The following C12orf56 variants were observed in gnomAD, a reference collection of about 807,000 sequenced individuals.
The protein encoded by C12orf56 is uncharacterized protein C12orf56.
Under a neutral mutation model 69.9 loss-of-function variants are expected in C12orf56, and 71 were observed. That is an observed-to-expected ratio of 1.02 (90% confidence interval 0.84 to 1.24). C12orf56 has a LOEUF of 1.24. Ranked by LOEUF, C12orf56 falls within the 50% of genes most tolerant of loss-of-function variation. The probability of loss-of-function intolerance (pLI) is 0.00; values close to 1 mark genes in which losing one functional copy is unlikely to be tolerated. For synonymous variants in C12orf56, 276 were observed against 274.1 expected (o/e 1.01, Z -0.07); for missense variants, 732 against 738.5 (o/e 0.99, Z 0.10).
chr12:64,386,375 G>A (rs2039789198), intron 1 of C12orf56, among the ~76,000 whole-genome samples: 1 of 128,128 alleles, frequency 7.8e-6, no homozygotes, highest in Non-Finnish European at 1.6e-5. Context: ...TACCACTGCT[G>A]GCTAATTTTT....
In C12orf56 at chr12:64,347,683, A is replaced by G. The variant is rs146290738; in HGVS notation, c.415+5211T>C. 3.2e-4 allele frequency among the ~76,000 whole-genome samples: 48 copies of G among 152,292 alleles called. No individual in the cohort carries two copies. The East Asian group carries it at 7.0e-3, about 22-fold the overall frequency. On this transcript the variant is annotated intron_variant, in intron 2 of 12. Transcript: ENST00000543942. ...TGTGTTGAGTGTGTGATGTCTATAAAAAGAGATCTAATTAATTGACCTAAG... is the reference window on the plus strand; with the variant it reads ...TGTGTTGAGTGTGTGATGTCTATAAGAAGAGATCTAATTAATTGACCTAAG...
At chr12:64,374,577 G>A (rs1027241899) in intron 1 of C12orf56, among the ~76,000 whole-genome samples, 1 of 146,304 alleles carries the variant, frequency 6.8e-6, no homozygotes, top group African/African-American at 2.6e-5. Flanking sequence ...ATGGAGTCTC[G>A]CTGTCACCTA....
chr12:64,277,614 T>A, intron 9 of C12orf56, 66 bp downstream of exon 9: 1 of 1,063,898 alleles, frequency 9.4e-7, no homozygotes, highest in East Asian at 3.9e-5. Flanking sequence ...TGGTCCACAT[T>A]AAAAGAAGCC....
Position 64,379,051 on chromosome 12 carries a change from C to CAAA in C12orf56, c.252+11260_252+11262dup, listed in dbSNP as rs59633826. On this transcript the variant is annotated intron_variant, in intron 1 of 12. Coordinates refer to ENST00000543942, the MANE Select transcript of C12orf56 (RefSeq NM_001170633.2). ...GGGTGACAGGAATGAAACCCTGTCTCAAAAAAAAAAAAAAAAGTGAACAGA... is the reference window on the plus strand; with the variant it reads ...GGGTGACAGGAATGAAACCCTGTCTCAAAAAAAAAAAAAAAAAAAGTGAACAGA... Among the ~76,000 whole-genome samples the CAAA allele has an allele frequency of 9.0e-5, 11 of 121,574 alleles. No homozygotes were observed. The South Asian group carries it at 2.1e-3, about 23-fold the overall frequency. The allele number at this position is 121,574 out of a possible 152,430, so 79.8% of individuals were successfully genotyped here. A position where few individuals can be genotyped will look rare whatever the true frequency, so the allele number is the denominator to read the frequency against.
At chr12:64,377,368 T>C (rs971932917) in intron 1 of C12orf56, among the ~76,000 whole-genome samples, 2 of 152,052 alleles carry the variant, frequency 1.3e-5, no homozygotes, top group Non-Finnish European at 2.9e-5. Context: ...TTTTTATTTT[T>C]AGTAGAGGCG....
At chr12:64,306,461 A>G (rs2136810955) in intron 5 of C12orf56, among the ~76,000 whole-genome samples, 1 of 148,704 alleles carries the variant, frequency 6.7e-6, no homozygotes, top group Admixed American at 6.8e-5. Flanking sequence ...TCTGTCACCC[A>G]GGCTGGGTTC....
At chr12:64,331,645 G>T (rs992459530) in intron 2 of C12orf56, among the ~76,000 whole-genome samples, 1 of 152,094 alleles carries the variant, frequency 6.6e-6, no homozygotes, top group Admixed American at 6.6e-5. Flanking sequence ...CTCCCACTAC[G>T]TGAGGACATA....
chr12:64,308,943 G>GAAAGAAAGAAAGAAAGAAAGAAA (rs2038564803), intron 5 of C12orf56, among the ~76,000 whole-genome samples: 8 of 33,464 alleles, frequency 2.4e-4, no homozygotes, highest in African/African-American at 7.1e-4. Context: ...AAAGAAAGAA[G>GAAAGAAAGAAAGAAAGAAAGAAA]AAAGAAAGAA....
At chr12:64,308,959 G>GAAAGAAAGAAAGAAAGAAAGAAAGAAAGA (rs2038567861) in intron 5 of C12orf56, among the ~76,000 whole-genome samples, 1 of 109,936 alleles carries the variant, frequency 9.1e-6, no homozygotes, top group Non-Finnish European at 1.9e-5. Flanking sequence ...AAGAAAGAAA[G>GAAAGAAAGAAAGAAAGAAAGAAAGAAAGA]AAAGAAAGAA....
At chr12:64,338,683 C>G in intron 2 of C12orf56, 4 of 1,567,810 alleles carry the variant, frequency 2.6e-6, no homozygotes, top group Non-Finnish European at 3.5e-6. Context: ...CTATGTTGAA[C>G]TCTTCTTCTG....
At chr12:64,335,975 A>G (rs1450337918) in intron 2 of C12orf56, among the ~76,000 whole-genome samples, 2 of 152,186 alleles carry the variant, frequency 1.3e-5, no homozygotes, top group Non-Finnish European at 2.9e-5. Context: ...ACATGACATC[A>G]TCATTATTAA....
Position 64,265,864 on chromosome 12 carries a change from T to C in C12orf56, c.*1319A>G, listed in dbSNP as rs928427504. 1.3e-5 allele frequency: 2 copies of C among 152,194 alleles called. No homozygotes were observed. Among genetic ancestry groups the C allele is most frequent in the Non-Finnish European group, 2.9e-5 (2 of 68,034 alleles). The allele number at this position is 152,194 out of a possible 1,614,324, so 9.4% of individuals were successfully genotyped here. ...AATTAAATTAGTTTATGGCATAAAATATAGTAAAGACAAGTTTTTAAATGG... is the reference window on the plus strand; with the variant it reads ...AATTAAATTAGTTTATGGCATAAAACATAGTAAAGACAAGTTTTTAAATGG... On this transcript the variant is annotated 3_prime_UTR_variant, in exon 13 of 13. Transcript: ENST00000543942.
rs539459979 is a variant in C12orf56, at chr12:64,316,784, T to C, written c.894+1791A>G. 2.6e-5 allele frequency among the ~76,000 whole-genome samples: 4 copies of C among 152,332 alleles called. No individual in the cohort carries two copies. The East Asian group carries it at 7.7e-4, about 29-fold the overall frequency. On this transcript the variant is annotated intron_variant, in intron 4 of 12. Transcript: ENST00000543942. ...TCATAGGGTTGTTGTAAAAATTAAA[T>C]AAGTTAATATCCATGAAGCATCAGG... is the stretch of plus-strand genomic sequence containing the variant.
At chr12:64,325,445 C>A (rs994106179) in intron 3 of C12orf56, among the ~76,000 whole-genome samples, 2 of 152,028 alleles carry the variant, frequency 1.3e-5, no homozygotes, top group African/African-American at 4.8e-5. Context: ...TAAGTAAATT[C>A]AAGCCCCTAC....
At chr12:64,366,859 T>TTATATAACATACAGTTTATATATATTA (rs2039491765) in intron 1 of C12orf56, among the ~76,000 whole-genome samples, 1 of 119,238 alleles carries the variant, frequency 8.4e-6, no homozygotes, top group Non-Finnish European at 1.6e-5. Flanking sequence ...TTTATATATA[T>TTATATAACATACAGTTTATATATATTA]TATATAACAT....
At position 64,287,919 on chromosome 12, in the gene C12orf56, G is replaced by A. The variant is rs1255570749; in HGVS notation, c.1114-1859C>T. On this transcript the variant is annotated intron_variant, in intron 6 of 12. Transcript: ENST00000543942. The stretch of plus-strand genomic sequence containing the variant: ...TCCAGTTCTAGATCCCTGAGGAATC[G>A]CCACACTGACTTCCACAATGGTTGA... 3.9e-3 allele frequency among the ~76,000 whole-genome samples: 14 copies of A among 3,636 alleles called. 3 individuals are homozygous for A. Among genetic ancestry groups the A allele is most frequent in the African/African-American group, 4.0e-3 (14 of 3,470 alleles). The allele number at this position is 3,636 out of a possible 152,430, so 2.4% of individuals were successfully genotyped here. A position where few individuals can be genotyped will look rare whatever the true frequency, so the allele number is the denominator to read the frequency against.
At chr12:64,370,883 C>T (rs754585909) in intron 1 of C12orf56, among the ~76,000 whole-genome samples, 8 of 152,094 alleles carry the variant, frequency 5.3e-5, no homozygotes, top group African/African-American at 7.2e-5. Flanking sequence ...CATGGCAGCT[C>T]ACACCTGTAA....
chr12:64,350,138 T>C (rs1243590805), intron 2 of C12orf56, among the ~76,000 whole-genome samples: 2 of 149,780 alleles, frequency 1.3e-5, no homozygotes, highest in Non-Finnish European at 3.0e-5. Flanking sequence ...TTTGGGAACT[T>C]AGGGGGAAGG....
chr12:64,306,031 C>CTAGG (rs2038507755), intron 5 of C12orf56, among the ~76,000 whole-genome samples: 1 of 152,072 alleles, frequency 6.6e-6, no homozygotes, highest in African/African-American at 2.4e-5. Flanking sequence ...CCTTTGCCAA[C>CTAGG]TAGGATAATA....
Sources: gnomAD v4.1 joint callset for allele counts (sites outside exome capture counted in the v4.1 genomes callset) on GRCh38, gnomAD v4.1.1 for gene constraint, MANE v1.5 for transcripts, NCBI Gene and HGNC (gene_info 2026-07-23, HGNC 2026-07-21) for gene names.